Variants in COL5A3 observed in about 807,000 individuals in gnomAD.
COL5A3 encodes collagen type V alpha 3 chain.
A neutral mutation model predicts 250.0 loss-of-function variants in COL5A3; 172 were observed. The observed-to-expected ratio is 0.69, with a 90% CI of 0.61 to 0.78. The LOEUF is 0.78. Among genes scored for constraint, COL5A3 ranks in the 30% least tolerant of loss-of-function variants. COL5A3 has a pLI of 0.00. For synonymous variants in COL5A3, 937 were observed against 900.4 expected (o/e 1.04, Z -0.73); for missense variants, 2,340 against 2,334.4 (o/e 1.00, Z -0.05).
intron 54 of COL5A3, among the ~76,000 whole-genome samples, 166 bp downstream of exon 54, chr19:9,970,453 GTCT>G (rs2086826103): frequency 5.8e-5 from 6 of 103,058 alleles, no homozygotes; most frequent in Non-Finnish European, 1.0e-4. Context: ...GGTGAGTGGG[GTCT>G]GTGGGTGTGT....
At chr19:9,996,725 G>A in intron 11 of COL5A3, 36 bp from the exon 12 acceptor site, 1 of 1,515,136 alleles carries the variant, frequency 6.6e-7, no homozygotes, top group Non-Finnish European at 8.9e-7. Flanking sequence ...GTGGAGACAG[G>A]GAGAGAGGGA....
rs577582651 is a variant in COL5A3 at position 9,968,475 on chromosome 19, G to A, written c.4224C>T (p.Ile1408=). The A allele has an allele frequency of 2.3e-5, 37 of 1,587,108 alleles. No homozygotes were observed. Among genetic ancestry groups the A allele is most frequent in the South Asian group, 9.3e-5 (8 of 86,458 alleles). ...CTTCTCCCGGGGGGCCAATGAGACCGATCAATCCAATGTGGCCCTGAAGGA... is the reference window on the plus strand; with the variant it reads ...CTTCTCCCGGGGGGCCAATGAGACCAATCAATCCAATGTGGCCCTGAAGGA... ...PKGEKGHIGL[I]GLIGPPGEAG... Residue 1408 remains isoleucine, a synonymous_variant, in exon 59 of 67, where the codon ATC becomes ATT. Coordinates refer to ENST00000264828, the MANE Select transcript of COL5A3 (RefSeq NM_015719.4). This position sits in a 1 kb window ranked among gnomAD's most constrained non-coding sequence, Gnocchi z 4.1.
In COL5A3 at chr19:9,960,314, A is replaced by G. The variant is rs1489135013; in HGVS notation, c.*97T>C. 5.6e-6 allele frequency: 8 copies of G among 1,432,200 alleles called. No homozygotes were observed. In the Admixed American group the frequency reaches 7.3e-5, roughly 13 times the overall value. 88.7% of individuals were successfully genotyped at this position (1,432,200 alleles called of 1,614,324 possible). On this transcript the variant is annotated 3_prime_UTR_variant, in exon 67 of 67. Coordinates refer to ENST00000264828, the MANE Select transcript of COL5A3 (RefSeq NM_015719.4). ...CGAAGTCACATCCCATTGGCTCCAT[A>G]GTCACAGGTAACGAAAAATACGGTG...
intron 7 of COL5A3, 43 bp downstream of exon 7, chr19:10,001,725 C>A: frequency 2.5e-6 from 4 of 1,612,690 alleles, no homozygotes; most frequent in Non-Finnish European, 2.5e-6. Flanking sequence ...TTTCTGCCAC[C>A]CCCGTAACCC....
intron 31 of COL5A3, among the ~76,000 whole-genome samples, chr19:9,985,165 G>A (rs1421786075): frequency 6.6e-6 from 1 of 151,540 alleles, no homozygotes; most frequent in Non-Finnish European, 1.5e-5. Flanking sequence ...TGGCCAGGCT[G>A]GTCTCAAACT....
intron 24 of COL5A3, 133 bp downstream of exon 24, chr19:9,991,477 G>T: frequency 1.4e-6 from 1 of 699,500 alleles, no homozygotes; most frequent in Non-Finnish European, 2.3e-6. Flanking sequence ...TGTATCTCCG[G>T]GCTGGCTTAG....
In COL5A3 at chr19:9,960,738, G is replaced by A. The variant is rs144903720; in HGVS notation, c.5004C>T (p.Ser1668=). ...LDEATGDYSH[S]ARFLGTNGEE... is the part of the protein sequence containing the mutation. ...CTCCATTGGTGCCAAGGAAGCGGGC[G>A]GAGTGGCTGTAGTCACCCGTGGCTT... The change falls in exon 66 of 67, where the codon TCC becomes TCT. Residue 1668 remains serine (S), a synonymous_variant. Transcript: ENST00000264828. The A allele has an allele frequency of 1.8e-4, 297 of 1,614,074 alleles. 1 individual carries two copies. In the East Asian group the frequency reaches 5.1e-3, roughly 28 times the overall value.
At chr19:9,971,950 C>T (rs1240961526) in intron 51 of COL5A3, among the ~76,000 whole-genome samples, 1 of 151,666 alleles carries the variant, frequency 6.6e-6, no homozygotes, top group East Asian at 1.9e-4. Context: ...AACCACTGCA[C>T]GTTTATGTTT....
Position 9,991,927 on chromosome 19 carries a change from T to C in COL5A3, c.1893+77A>G, listed in dbSNP as rs185741522. 55 of 1,570,422 alleles carry C rather than the reference T, an allele frequency of 3.5e-5. No individual in the cohort carries two copies. In the African/African-American group the frequency reaches 7.3e-4, roughly 21 times the overall value. On this transcript the variant is annotated intron_variant, in intron 22 of 66. Coordinates refer to ENST00000264828, the MANE Select transcript of COL5A3 (RefSeq NM_015719.4). ...AAATTGACTTGGGGGGGGTCAGTCA[T>C]GGAAGGGAATAGGGATGTGGACAAT... is the stretch of plus-strand genomic sequence containing the variant.
At chr19:9,970,120 A>T (rs552469177) in intron 54 of COL5A3, among the ~76,000 whole-genome samples, 198 bp from the exon 55 acceptor site, 2 of 8,292 alleles carry the variant, frequency 2.4e-4, no homozygotes, top group South Asian at 4.9e-3. Context: ...GGGTGAGTGG[A>T]GGCTGTGGGT....
At chr19:9,965,154 T>C (rs1385041245) in intron 64 of COL5A3, among the ~76,000 whole-genome samples, 1 of 94,194 alleles carries the variant, frequency 1.1e-5, no homozygotes. Flanking sequence ...TCTTTTCTTT[T>C]TCTTTTTTTT....
chr19:9,985,983 G>A, intron 30 of COL5A3, 88 bp from the exon 31 acceptor site: 3 of 1,160,218 alleles, frequency 2.6e-6, no homozygotes, highest in Non-Finnish European at 1.3e-6. Flanking sequence ...ATGGTGAATG[G>A]GCTAATGGGA....
chr19:9,995,028 C>T (rs1207285961), intron 16 of COL5A3, among the ~76,000 whole-genome samples: 1 of 152,132 alleles, frequency 6.6e-6, no homozygotes, highest in Non-Finnish European at 1.5e-5. Flanking sequence ...ATGCCTCAGC[C>T]TCCCGAGTAG....
intron 8 of COL5A3, among the ~76,000 whole-genome samples, chr19:10,000,502 T>G (rs767792755): frequency 8.1e-4 from 113 of 139,658 alleles, no homozygotes; most frequent in Non-Finnish European, 1.3e-3. Flanking sequence ...GTCTCACTGT[T>G]GCCCAGGCTG....
Position 9,997,416 on chromosome 19 carries a change from T to C in COL5A3, c.1218A>G (p.Ser406=). 6.2e-7 allele frequency: 1 copy of C among 1,608,422 alleles called. No individual in the cohort carries two copies. The highest frequency in any genetic ancestry group is 1.1e-5 in the South Asian group (1 of 89,632). ...GGAATCCTGGGGGGCCGGGAGGGCC[T>C]GAGGGGCCAACCACCCCCTGTTGGG... ...APGPQGVVGP[S]GPPGPPGFPG... The change falls in exon 11 of 67, where the codon TCA becomes TCG. Residue 406 remains serine, a synonymous_variant. Transcript: ENST00000264828.
rs67181648 is a variant in COL5A3 at position 9,988,833 on chromosome 19, C to CAAAAA, written c.2145+286_2145+290dup. On this transcript the variant is annotated intron_variant, in intron 27 of 66. Transcript: ENST00000264828. ...TGGGCGACAAAGCGAGACTCTGTCT[C>CAAAAA]AAAAAAAAAAAAAAAAAAAAAAAAA... 4.0e-3 allele frequency among the ~76,000 whole-genome samples: 156 copies of CAAAAA among 39,176 alleles called. 2 individuals are homozygous for CAAAAA. The highest frequency in any genetic ancestry group is 4.9e-3 in the Non-Finnish European group (113 of 22,962). The allele number at this position is 39,176 out of a possible 152,430, so 25.7% of individuals were successfully genotyped here.
chr19:10,008,734 T>C (rs141671841), intron 1 of COL5A3, among the ~76,000 whole-genome samples: 1 of 152,294 alleles, frequency 6.6e-6, no homozygotes, highest in Admixed American at 6.5e-5. Context: ...AATGGAGGGA[T>C]TAGATACACT....
chr19:9,966,304 G>A lies in COL5A3; in HGVS notation c.4782+10C>T, dbSNP rs752651138. On this transcript the variant is annotated intron_variant, in intron 64 of 66. Coordinates refer to ENST00000264828, the MANE Select transcript of COL5A3 (RefSeq NM_015719.4). ...CCTGGGGGAGGCGATGAGAGGTTTG[G>A]GTTACTCACGATCTCAAACTTCTTG... 1.3e-6 allele frequency: 2 copies of A among 1,597,218 alleles called. No individual in the cohort carries two copies. The highest frequency in any genetic ancestry group is 1.1e-5 in the South Asian group (1 of 89,206).
rs2086806231 is a variant in COL5A3, at chr19:9,970,010, A to ATGAGTGGGGTCTGTAAGG, written c.3937-106_3937-89dup. ...GGTCTGGGTGACTGGGGGGTTATGG[A>ATGAGTGGGGTCTGTAAGG]TGAGTGGGGTCTGTAAGGTGAGTGG... is the stretch of plus-strand genomic sequence containing the variant. On this transcript the variant is annotated intron_variant, in intron 54 of 66. Transcript: ENST00000264828. 3.6e-6 allele frequency: 3 copies of ATGAGTGGGGTCTGTAAGG among 833,930 alleles called. 1 individual carries two copies. The highest frequency in any genetic ancestry group is 5.2e-4 in the Middle Eastern group (2 of 3,834). The allele number at this position is 833,930 out of a possible 1,614,324, so 51.7% of individuals were successfully genotyped here.
Sources: gnomAD v4.1 joint callset for allele counts (sites outside exome capture counted in the v4.1 genomes callset) on GRCh38, gnomAD v4.1.1 for gene constraint, Gnocchi (gnomAD v3.1) non-coding constraint, MANE v1.5 for transcripts, NCBI Gene and HGNC (gene_info 2026-07-23, HGNC 2026-07-21) for gene names.